The following GABRR2 variants were observed in gnomAD, a reference collection of about 807,000 sequenced individuals.
GABRR2 encodes gamma-aminobutyric acid type A receptor subunit rho2, also known as gamma-aminobutyric acid receptor subunit rho-2.
GABRR2 carries 36 observed loss-of-function variants against 47.0 expected under a neutral mutation model. The ratio of observed to expected loss-of-function variants is 0.77; its 90% CI spans 0.59 to 1.01. The LOEUF is 1.01. Ranked by LOEUF, GABRR2 falls within the 50% of genes least tolerant of loss-of-function variation. The probability of loss-of-function intolerance (pLI) is 0.00; values close to 1 mark genes in which losing one functional copy is unlikely to be tolerated. For missense variants in GABRR2, 587 were observed against 594.6 expected, an observed-to-expected ratio of 0.99 and a Z score of 0.13; for synonymous variants, 204 against 227.5, an observed-to-expected ratio of 0.90 and a Z score of 0.93.
chr6:89,270,670 G>T (rs282120), intron 3 of GABRR2, among the ~76,000 whole-genome samples: 1 of 152,148 alleles, frequency 6.6e-6, no homozygotes, highest in Non-Finnish European at 1.5e-5. Context: ...TGCTGGGTCC[G>T]TTAGGAGCAA....
At chr6:89,302,351 T>C in intron 1 of GABRR2, 2 of 564,632 alleles carry the variant, frequency 3.5e-6, no homozygotes, top group Non-Finnish European at 7.1e-6. Flanking sequence ...CACCAGCTGG[T>C]GGAGAATACA....
chr6:89,277,238 TCTC>T (rs1774177449), intron 2 of GABRR2, among the ~76,000 whole-genome samples: 1 of 152,168 alleles, frequency 6.6e-6, no homozygotes, highest in South Asian at 2.1e-4. Flanking sequence ...GCTCAGCACT[TCTC>T]CGTCCTGCTG....
chr6:89,262,230 C>G (rs1485003539), intron 8 of GABRR2, among the ~76,000 whole-genome samples: 1 of 152,146 alleles, frequency 6.6e-6, no homozygotes, highest in Non-Finnish European at 1.5e-5. Context: ...GACTTTGTGT[C>G]CCTTTTGCAT....
At chr6:89,301,742 C>CCCGCCTGCCCGTCCGCAG in intron 1 of GABRR2, 1 of 669,510 alleles carries the variant, frequency 1.5e-6, no homozygotes, top group South Asian at 1.5e-5. Context: ...GCCAGCCCAG[C>CCCGCCTGCCCGTCCGCAG]CCGCCTGCCC....
At chr6:89,301,988 C>G (rs1388452838) in intron 1 of GABRR2, 1 of 752,864 alleles carries the variant, frequency 1.3e-6, no homozygotes, top group Non-Finnish European at 2.4e-6. Context: ...CGACCTGGAG[C>G]CCGGGACCAT....
chr6:89,275,489 G>T (rs1774142796), intron 2 of GABRR2, among the ~76,000 whole-genome samples: 2 of 152,102 alleles, frequency 1.3e-5, no homozygotes, highest in Non-Finnish European at 1.5e-5. Context: ...GGCCAGGCTG[G>T]TCTGAAACTC....
intron 1 of GABRR2, chr6:89,302,505 C>A: frequency 2.7e-6 from 2 of 732,142 alleles, no homozygotes; most frequent in Non-Finnish European, 4.6e-6. Context: ...GCTTCCCGGG[C>A]CAGCTCAATG....
intron 1 of GABRR2, chr6:89,303,057 G>A: frequency 1.0e-6 from 1 of 958,470 alleles, no homozygotes; most frequent in South Asian, 1.3e-5. Flanking sequence ...TGGCCCAGGA[G>A]GAGGGTGAGA....
intron 2 of GABRR2, among the ~76,000 whole-genome samples, chr6:89,283,533 G>A (rs897285621): frequency 6.6e-6 from 1 of 152,148 alleles, no homozygotes; most frequent in Non-Finnish European, 1.5e-5. Flanking sequence ...AGAAGAGTAT[G>A]TATAGTACAA....
intron 7 of GABRR2, 27 bp from the exon 8 acceptor site, chr6:89,264,635 G>A: frequency 6.2e-7 from 1 of 1,612,220 alleles, no homozygotes; most frequent in South Asian, 1.1e-5. Flanking sequence ...TAGTTGGGCT[G>A]CTGACAGCGG....
At chr6:89,292,794 TCG>T (rs1774486338) in intron 2 of GABRR2, among the ~76,000 whole-genome samples, 5 of 21,896 alleles carry the variant, frequency 2.3e-4, no homozygotes, top group African/African-American at 1.4e-3. Context: ...ATACGATATA[TCG>T]TATATATCGT....
At chr6:89,311,188 A>G (rs1767675753) in intron 1 of GABRR2, among the ~76,000 whole-genome samples, 1 of 152,242 alleles carries the variant, frequency 6.6e-6, no homozygotes, top group African/African-American at 2.4e-5. Context: ...AGGCAGATGA[A>G]GAGCTCAGCC....
intron 1 of GABRR2, among the ~76,000 whole-genome samples, chr6:89,301,312 C>T (rs1360657576): frequency 6.6e-6 from 1 of 152,096 alleles, no homozygotes; most frequent in Non-Finnish European, 1.5e-5. Context: ...TGAAAACCAG[C>T]ACAAGACAAG....
chr6:89,305,130 G>C (rs949917340), intron 1 of GABRR2, among the ~76,000 whole-genome samples: 8 of 152,186 alleles, frequency 5.3e-5, no homozygotes, highest in African/African-American at 1.9e-4. Flanking sequence ...GGCCAAGGCA[G>C]GTGGATCACA....
intron 2 of GABRR2, among the ~76,000 whole-genome samples, chr6:89,279,036 A>G (rs1171649814): frequency 1.3e-5 from 2 of 152,136 alleles, no homozygotes; most frequent in East Asian, 1.9e-4. Context: ...GGCCAGTACC[A>G]AGAATGACCA....
At chr6:89,263,396 G>A (rs1254829810) in intron 8 of GABRR2, among the ~76,000 whole-genome samples, 1 of 152,144 alleles carries the variant, frequency 6.6e-6, no homozygotes, top group Non-Finnish European at 1.5e-5. Context: ...AATTTTTGGA[G>A]GAGCCAAAAG....
At chr6:89,299,090 C>T (rs1446631630) in intron 2 of GABRR2, among the ~76,000 whole-genome samples, 1 of 152,186 alleles carries the variant, frequency 6.6e-6, no homozygotes, top group African/African-American at 2.4e-5. Flanking sequence ...CTGACTAAGA[C>T]ACTGTCCACC....
In GABRR2 at chr6:89,315,240, T is replaced by A; in HGVS notation, c.-75A>T. 6.2e-7 allele frequency: 1 copy of A among 1,605,868 alleles called. No individual in the cohort carries two copies. The highest frequency in any genetic ancestry group is 8.5e-7 in the Non-Finnish European group (1 of 1,175,186). ...GAGCAAATCCCCCCTGGCTTGACCA[T>A]TGATCCATCTGCTGCCTCCTGACGG... On this transcript the variant is annotated 5_prime_UTR_variant, in exon 1 of 9. An upstream start codon of the reference 5' UTR is lost. Coordinates refer to ENST00000402938, the MANE Select transcript of GABRR2 (RefSeq NM_002043.5).
chr6:89,291,681 T>A (rs1310328238), intron 2 of GABRR2, among the ~76,000 whole-genome samples: 1 of 152,162 alleles, frequency 6.6e-6, no homozygotes, highest in South Asian at 2.1e-4. Context: ...AACTGAGCAT[T>A]CCCTCCTTTC....
Sources: gnomAD v4.1 joint callset for allele counts (sites outside exome capture counted in the v4.1 genomes callset) on GRCh38, gnomAD v4.1.1 for gene constraint, MANE v1.5 for transcripts, NCBI Gene and HGNC (gene_info 2026-07-23, HGNC 2026-07-21) for gene names.